Variants in PPP4R4 observed in about 807,000 individuals in gnomAD.
PPP4R4 encodes the protein protein phosphatase 4 regulatory subunit 4.
A neutral mutation model predicts 121.8 loss-of-function variants in PPP4R4; 70 were observed. The observed-to-expected ratio is 0.57, with a 90% CI of 0.47 to 0.70. The LOEUF is 0.70. PPP4R4 is among the 30% of genes least tolerant of loss of function. The pLI, the probability that PPP4R4 is intolerant of heterozygous loss-of-function variation, is 0.00. For synonymous variants in PPP4R4, 348 were observed against 355.7 expected (o/e 0.98, Z 0.24); for missense variants, 875 against 1,033.6 (o/e 0.85, Z 2.10).
intron 17 of PPP4R4, among the ~76,000 whole-genome samples, chr14:94,257,097 A>G (rs1384742852): frequency 2.0e-5 from 3 of 152,090 alleles, no homozygotes; most frequent in South Asian, 4.1e-4. Flanking sequence ...CAGGAGGACT[A>G]GAATAGAGAC....
At chr14:94,210,027 G>A (rs1465590218) in intron 3 of PPP4R4, among the ~76,000 whole-genome samples, 1 of 151,854 alleles carries the variant, frequency 6.6e-6, no homozygotes, top group Non-Finnish European at 1.5e-5. Context: ...TTTCATGGGA[G>A]TATATAAAGA....
intron 23 of PPP4R4, among the ~76,000 whole-genome samples, chr14:94,269,340 T>G (rs919958670): frequency 2.6e-5 from 4 of 152,044 alleles, no homozygotes; most frequent in Non-Finnish European, 4.4e-5. Context: ...CTGACTAGTT[T>G]GGCTGGAGTG....
At chr14:94,275,080 A>G (rs192173743) in intron 23 of PPP4R4, among the ~76,000 whole-genome samples, 1 of 152,310 alleles carries the variant, frequency 6.6e-6, no homozygotes, top group Admixed American at 6.5e-5. Flanking sequence ...AGACAATACA[A>G]ACTAATTTAT....
intron 2 of PPP4R4, among the ~76,000 whole-genome samples, chr14:94,199,163 T>A (rs1175345988): frequency 2.0e-5 from 3 of 152,258 alleles, no homozygotes; most frequent in African/African-American, 7.2e-5. Context: ...TATATTTAGT[T>A]CTTCTTTATT....
chr14:94,277,449 C>G (rs548349895), intron 24 of PPP4R4, among the ~76,000 whole-genome samples: 18 of 152,196 alleles, frequency 1.2e-4, no homozygotes, highest in Non-Finnish European at 2.1e-4. Context: ...CATGACAGGG[C>G]TGTCTCATGG....
rs117759998 is a variant in PPP4R4 at position 94,183,651 on chromosome 14, G to A, written c.191+7524G>A. ...TGTAGAAAGCAGAATGCTCTCATGG[G>A]ATCTATAGGAAAAGCTTGAAAATAA... On this transcript the variant is annotated intron_variant, in intron 2 of 24. Transcript: ENST00000304338. Among the ~76,000 whole-genome samples the A allele has an allele frequency of 1.8e-3, 274 of 152,216 alleles. 3 individuals are homozygous for A. In the South Asian group the frequency reaches 0.029, roughly 16 times the overall value.
chr14:94,248,421 A>G (rs1387642860), intron 14 of PPP4R4, among the ~76,000 whole-genome samples: 2 of 152,234 alleles, frequency 1.3e-5, no homozygotes, highest in Admixed American at 6.5e-5. Flanking sequence ...ACATAAACAA[A>G]TGGAAAAACA....
chr14:94,264,351 C>G (rs1893929608), intron 19 of PPP4R4, among the ~76,000 whole-genome samples: 1 of 152,024 alleles, frequency 6.6e-6, no homozygotes, highest in Admixed American at 6.6e-5. Flanking sequence ...GGGGTTTCAT[C>G]ATGTTGGCCT....
chr14:94,251,732 TTTG>T lies in PPP4R4; in HGVS notation c.1718-8_1718-6del, dbSNP rs754950205. On this transcript the variant is annotated splice_polypyrimidine_tract_variant and intron_variant, in intron 15 of 24. Transcript: ENST00000304338. ...TAGGAAAAATTAACTTAAGATAATT[TTTG>T]TTGTTGTTTCTAGAATTGGGCCAAG... 4.0e-6 allele frequency: 6 copies of T among 1,512,522 alleles called. No homozygotes were observed. The Admixed American group carries it at 1.2e-4, about 29-fold the overall frequency. The allele number at this position is 1,512,522 out of a possible 1,614,324, so 93.7% of individuals were successfully genotyped here.
chr14:94,233,005 C>T (rs1049864149), intron 5 of PPP4R4, among the ~76,000 whole-genome samples: 3 of 151,884 alleles, frequency 2.0e-5, no homozygotes, highest in Non-Finnish European at 2.9e-5. Flanking sequence ...TTGCAGTGAG[C>T]CGAGATCGCG....
intron 8 of PPP4R4, among the ~76,000 whole-genome samples, chr14:94,239,094 T>C (rs1212254276): frequency 6.6e-6 from 1 of 152,168 alleles, no homozygotes; most frequent in Non-Finnish European, 1.5e-5. Context: ...TCCCACTTCC[T>C]TAGCATACCA....
intron 3 of PPP4R4, among the ~76,000 whole-genome samples, chr14:94,210,704 G>A (rs188072544): frequency 1.3e-4 from 20 of 152,236 alleles, no homozygotes; most frequent in Admixed American, 3.9e-4. Flanking sequence ...GAGAGAACAA[G>A]TATAATAGAG....
rs769399714 is a variant in PPP4R4, at chr14:94,246,546, T to C, written c.1611+7T>C. Reference sequence around the variant, plus strand: ...CACAATCATGATGACAAATGTGAGCTCAGTACCTTTCATCTTATTCTTTTG... The same window carrying C: ...CACAATCATGATGACAAATGTGAGCCCAGTACCTTTCATCTTATTCTTTTG... On this transcript the variant is annotated splice_region_variant and intron_variant, in intron 14 of 24. Coordinates refer to ENST00000304338, the MANE Select transcript of PPP4R4 (RefSeq NM_058237.2). 3.8e-6 allele frequency: 6 copies of C among 1,599,916 alleles called. 1 individual carries two copies. The Middle Eastern group carries it at 8.4e-4, about 223-fold the overall frequency.
chr14:94,224,531 G>C (rs1891591256), intron 3 of PPP4R4, among the ~76,000 whole-genome samples: 1 of 152,104 alleles, frequency 6.6e-6, no homozygotes, highest in Non-Finnish European at 1.5e-5. Context: ...TAGTATCAAC[G>C]ATAACTCCTG....
chr14:94,191,976 G>A (rs1889626848), intron 2 of PPP4R4, among the ~76,000 whole-genome samples: 1 of 151,960 alleles, frequency 6.6e-6, no homozygotes, highest in South Asian at 2.1e-4. Flanking sequence ...CATGACTTTG[G>A]GTGAATCCCA....
In PPP4R4 at chr14:94,232,673, A is replaced by G. The variant is rs79340941; in HGVS notation, c.517-980A>G. Among the ~76,000 whole-genome samples the G allele has an allele frequency of 3.0e-3, 461 of 152,350 alleles. 1 individual carries two copies. The highest frequency in any genetic ancestry group is 0.011 in the African/African-American group (446 of 41,586). The stretch of plus-strand genomic sequence containing the variant: ...TTGAGAGGAAACAAGCCAGTTGACT[A>G]TAGAGTCATAGAATTTTAGAAATTA... On this transcript the variant is annotated intron_variant, in intron 5 of 24. Transcript: ENST00000304338.
rs765513007 is a variant in PPP4R4 at position 94,186,265 on chromosome 14, C to T, written c.191+10138C>T. On this transcript the variant is annotated intron_variant, in intron 2 of 24. Coordinates refer to ENST00000304338, the MANE Select transcript of PPP4R4 (RefSeq NM_058237.2). ...GCTTAGATTATCTCTCTCTCCCTCCCGTGAGCCCCTTCCATTCCAGGCAAC... is the reference window on the plus strand; with the variant it reads ...GCTTAGATTATCTCTCTCTCCCTCCTGTGAGCCCCTTCCATTCCAGGCAAC... Among the ~76,000 whole-genome samples, 17 of 152,186 alleles carry T rather than the reference C, an allele frequency of 1.1e-4. 1 individual carries two copies. Among genetic ancestry groups the T allele is most frequent in the Admixed American group, 9.2e-4 (14 of 15,272 alleles).
At chr14:94,232,945 C>G (rs1398211577) in intron 5 of PPP4R4, among the ~76,000 whole-genome samples, 1 of 152,034 alleles carries the variant, frequency 6.6e-6, no homozygotes, top group Non-Finnish European at 1.5e-5. Flanking sequence ...GTAGTCCCAG[C>G]TACTCGGGAG....
chr14:94,179,863 T>C (rs983890120), intron 2 of PPP4R4, among the ~76,000 whole-genome samples: 1 of 152,244 alleles, frequency 6.6e-6, no homozygotes, highest in African/African-American at 2.4e-5. Flanking sequence ...TTGTTGTTCT[T>C]TCTTGTTCTT....
Sources: allele counts gnomAD v4.1 joint callset (sites outside exome capture counted in the v4.1 genomes callset), GRCh38; gene constraint gnomAD v4.1.1; transcripts MANE v1.5; gene names NCBI Gene and HGNC (gene_info 2026-07-23, HGNC 2026-07-21).